The following TMEM132C variants were observed in gnomAD, a reference collection of about 807,000 sequenced individuals.
The protein encoded by TMEM132C is transmembrane protein 132C.
TMEM132C carries 29 observed loss-of-function variants against 61.4 expected under a neutral mutation model. That is an observed-to-expected ratio of 0.47 (90% CI 0.35 to 0.64). The LOEUF is 0.64. TMEM132C is among the 30% of genes least tolerant of loss of function. The probability of loss-of-function intolerance (pLI) is 0.00; values close to 1 mark genes in which losing one functional copy is unlikely to be tolerated. For missense variants in TMEM132C, 1,408 were observed against 1,476.9 expected (o/e 0.95, Z 0.76); for synonymous variants, 656 against 633.1 (o/e 1.04, Z -0.54).
At chr12:128,575,212 A>G (rs1346153397) in intron 3 of TMEM132C, among the ~76,000 whole-genome samples, 3 of 152,244 alleles carry the variant, frequency 2.0e-5, no homozygotes, top group Non-Finnish European at 4.4e-5. Flanking sequence ...GGACATGGTG[A>G]GTCATGCCTA....
intron 1 of TMEM132C, among the ~76,000 whole-genome samples, chr12:128,379,015 G>A (rs191315889): frequency 3.3e-5 from 5 of 152,282 alleles, no homozygotes; most frequent in Admixed American, 2.6e-4. Context: ...TGATTGTGAG[G>A]CCTCCTCAGC....
At chr12:128,323,109 G>A (rs538375989) in intron 1 of TMEM132C, among the ~76,000 whole-genome samples, 26 of 152,184 alleles carry the variant, frequency 1.7e-4, no homozygotes, top group Non-Finnish European at 3.1e-4. Flanking sequence ...AATATTCATC[G>A]TTGTGGGTGA....
chr12:128,285,100 A>G (rs552295461), intron 1 of TMEM132C, among the ~76,000 whole-genome samples: 1 of 152,274 alleles, frequency 6.6e-6, no homozygotes, highest in Non-Finnish European at 1.5e-5. Context: ...CCAAGATTGC[A>G]CCACTGCACT....
chr12:128,656,006 G>A (rs1194571250), intron 4 of TMEM132C, among the ~76,000 whole-genome samples: 2 of 152,148 alleles, frequency 1.3e-5, no homozygotes, highest in Non-Finnish European at 2.9e-5. Flanking sequence ...CAGAGATTTA[G>A]GCTTCTCCTA....
intron 1 of TMEM132C, among the ~76,000 whole-genome samples, chr12:128,390,053 C>T (rs1002818858): frequency 2.0e-5 from 3 of 152,048 alleles, no homozygotes; most frequent in African/African-American, 4.8e-5. Context: ...AATTTTTTCA[C>T]GGAGATGGGG....
chr12:128,495,777 T>G (rs994412615), intron 2 of TMEM132C, among the ~76,000 whole-genome samples: 6 of 152,150 alleles, frequency 3.9e-5, no homozygotes, highest in Admixed American at 6.5e-5. Context: ...GGGTCTTGAC[T>G]CTTTATCCAA....
intron 3 of TMEM132C, among the ~76,000 whole-genome samples, chr12:128,589,866 C>T (rs927948258): frequency 6.6e-6 from 1 of 152,114 alleles, no homozygotes; most frequent in Non-Finnish European, 1.5e-5. Context: ...ACTTACCTCC[C>T]GGGGTTATTA....
chr12:128,400,360 G>A (rs1290918701), intron 1 of TMEM132C, among the ~76,000 whole-genome samples: 3 of 152,206 alleles, frequency 2.0e-5, no homozygotes, highest in Non-Finnish European at 2.9e-5. Context: ...CCCCTGGGGT[G>A]AAAGGCGTTT....
intron 2 of TMEM132C, among the ~76,000 whole-genome samples, chr12:128,530,528 C>G (rs1873254372): frequency 1.3e-5 from 2 of 152,112 alleles, no homozygotes; most frequent in Non-Finnish European, 2.9e-5. Flanking sequence ...ACTGCAGCCT[C>G]TGCCTACCTT....
At chr12:128,527,707 A>ATGTGTGTGTGTGTGTGTGTGTGTGTG (rs5801799) in intron 2 of TMEM132C, among the ~76,000 whole-genome samples, 4 of 147,196 alleles carry the variant, frequency 2.7e-5, no homozygotes, top group African/African-American at 1.0e-4. Context: ...ATGTGCATGT[A>ATGTGTGTGTGTGTGTGTGTGTGTGTG]TGTGTGTGTG....
rs549438952 is a variant in TMEM132C at position 128,705,663 on chromosome 12, G to A, written c.2695G>A (p.Val899Met). ...PIDFTNFPAH[V>M]DLPKAGSGLE... is the part of the protein sequence containing the mutation. ...TGACTTCACCAACTTCCCTGCCCAC[G>A]TGGACCTCCCCAAGGCCGGGAGTGG... The change falls in exon 9 of 9, where the codon GTG (valine) becomes ATG (methionine). Residue 899 changes from valine to methionine, a missense_variant. Coordinates refer to ENST00000435159, the MANE Select transcript of TMEM132C (RefSeq NM_001136103.3). The A allele has an allele frequency of 3.0e-5, 47 of 1,551,264 alleles. No individual in the cohort carries two copies. The South Asian group carries it at 3.7e-4, about 12-fold the overall frequency.
chr12:128,573,898 C>CAAAAA (rs10689177), intron 3 of TMEM132C, among the ~76,000 whole-genome samples: 5 of 142,824 alleles, frequency 3.5e-5, no homozygotes, highest in East Asian at 2.0e-4. Context: ...TTTTTGCAAT[C>CAAAAA]AAAAAAAAAA....
chr12:128,458,302 T>A (rs200924362), intron 2 of TMEM132C, among the ~76,000 whole-genome samples: 2 of 147,750 alleles, frequency 1.4e-5, no homozygotes, highest in African/African-American at 4.9e-5. Flanking sequence ...ATTATATAAT[T>A]ATACTAAAAT....
chr12:128,532,780 A>G (rs2136137611), intron 2 of TMEM132C, among the ~76,000 whole-genome samples: 1 of 152,190 alleles, frequency 6.6e-6, no homozygotes, highest in South Asian at 2.1e-4. Flanking sequence ...GGAAATCCAC[A>G]TGGATAATGT....
chr12:128,301,375 T>C (rs1871590647), intron 1 of TMEM132C, among the ~76,000 whole-genome samples: 1 of 152,240 alleles, frequency 6.6e-6, no homozygotes, highest in African/African-American at 2.4e-5. Flanking sequence ...AATAAGTTTT[T>C]CTATTTTAAA....
chr12:128,438,442 C>T (rs372115116), intron 2 of TMEM132C, among the ~76,000 whole-genome samples: 24 of 152,194 alleles, frequency 1.6e-4, no homozygotes, highest in African/African-American at 5.1e-4. Context: ...CTTCCACATG[C>T]GTGGAAGCAG....
At chr12:128,455,846 G>A (rs151057974) in intron 2 of TMEM132C, among the ~76,000 whole-genome samples, 68 of 152,322 alleles carry the variant, frequency 4.5e-4, no homozygotes, top group African/African-American at 1.5e-3. Flanking sequence ...ATTGGCTCCT[G>A]TGAGCTCAGA....
intron 2 of TMEM132C, among the ~76,000 whole-genome samples, chr12:128,433,797 G>GC (rs57552234): frequency 0.79 from 120,369 of 151,716 alleles, 47,905 homozygotes; most frequent in Non-Finnish European, 0.83. Context: ...AGTCCTCCTG[G>GC]CTAGCATGGA....
At chr12:128,379,704 T>C (rs558030908) in intron 1 of TMEM132C, among the ~76,000 whole-genome samples, 2 of 152,356 alleles carry the variant, frequency 1.3e-5, no homozygotes, top group East Asian at 3.9e-4. Flanking sequence ...AAATCCAGAA[T>C]GCTCTCATCT....
Sources: gnomAD v4.1 joint callset for allele counts (sites outside exome capture counted in the v4.1 genomes callset) on GRCh38, gnomAD v4.1.1 for gene constraint, MANE v1.5 for transcripts, NCBI Gene and HGNC (gene_info 2026-07-23, HGNC 2026-07-21) for gene names.